LMTK2: variants seen among roughly 807,000 people sequenced by gnomAD.
LMTK2 encodes the protein serine/threonine-protein kinase LMTK2.
In LMTK2, 37 loss-of-function variants were observed where a neutral mutation model predicts 127.5. The observed-to-expected ratio is 0.29, with a 90% CI of 0.22 to 0.38. LMTK2 has a LOEUF of 0.38. Among genes scored for constraint, LMTK2 ranks in the 10% least tolerant of loss-of-function variants. LMTK2 has a pLI of 1.00. For synonymous variants in LMTK2, 819 were observed against 810.1 expected (o/e 1.01, Z -0.19); for missense variants, 1,694 against 1,920.3 (o/e 0.88, Z 2.20).
chr7:98,159,466 GT>G (rs753742867), intron 6 of LMTK2, 41 bp downstream of exon 6: 1 of 1,356,870 alleles, frequency 7.4e-7, no homozygotes, highest in South Asian at 1.2e-5. Context: ...TATTCCAGAG[GT>G]TGTATTCAAG....
Position 98,205,506 on chromosome 7 carries a change from C to G in LMTK2, c.*14C>G, listed in dbSNP as rs776522841. ...GAAAAGGACTAGGTGGCTGCCAACGCGCACGCTCGGGTCCGAGGCTGCTCC... is the reference window on the plus strand; with the variant it reads ...GAAAAGGACTAGGTGGCTGCCAACGGGCACGCTCGGGTCCGAGGCTGCTCC... On this transcript the variant is annotated 3_prime_UTR_variant, in exon 14 of 14. Coordinates refer to ENST00000297293, the MANE Select transcript of LMTK2 (RefSeq NM_014916.4). 1.2e-6 allele frequency: 2 copies of G among 1,612,200 alleles called. No individual in the cohort carries two copies.
Position 98,107,360 on chromosome 7 carries a change from G to C in LMTK2, c.103+80G>C, listed in dbSNP as rs570371755. Reference sequence around the variant, plus strand: ...GGGGCGGCAGGGCCGGGCCGGCCTCGGCGCCGAGGAATCGGAGGGCCTGCC... The same window carrying C: ...GGGGCGGCAGGGCCGGGCCGGCCTCCGCGCCGAGGAATCGGAGGGCCTGCC... On this transcript the variant is annotated intron_variant, in intron 1 of 13. Coordinates refer to ENST00000297293, the MANE Select transcript of LMTK2 (RefSeq NM_014916.4). 3.4e-5 allele frequency: 29 copies of C among 841,848 alleles called. No individual in the cohort carries two copies. The South Asian group carries it at 1.3e-3, about 39-fold the overall frequency. 52.1% of individuals were successfully genotyped at this position (841,848 alleles called of 1,614,324 possible).
rs574825961 is a variant in LMTK2, at chr7:98,193,478, G to A, written c.3013G>A (p.Val1005Ile). Residue 1005 changes from valine to isoleucine, a missense_variant, in exon 11 of 14, where the codon GTC becomes ATC. By Grantham distance (29) the Val-to-Ile change is conservative (BLOSUM62 3). Transcript: ENST00000297293. This position sits in a 1 kb window ranked among gnomAD's most constrained non-coding sequence, Gnocchi z 4.1. Reference sequence around the variant, plus strand: ...CCCGGACTCTCTGGAGTCAGTGGATGTCCACGAAGCGCTACTGGACTCTTT... The same window carrying A: ...CCCGGACTCTCTGGAGTCAGTGGATATCCACGAAGCGCTACTGGACTCTTT... ...ETPDSLESVD[V>I]HEALLDSLGS... 3.1e-6 allele frequency: 5 copies of A among 1,614,150 alleles called. No individual in the cohort carries two copies. Among genetic ancestry groups the A allele is most frequent in the East Asian group, 4.5e-5 (2 of 44,876 alleles).
At chr7:98,167,626 C>T (rs914402013) in intron 6 of LMTK2, among the ~76,000 whole-genome samples, 3 of 152,186 alleles carry the variant, frequency 2.0e-5, no homozygotes, top group African/African-American at 4.8e-5. Flanking sequence ...TGGAAAACGG[C>T]GATGCCACTT....
rs3735252 is a variant in LMTK2 at position 98,107,265 on chromosome 7, C to G, written c.88C>G (p.Pro30Ala). ...IAGSAGAAPL[P>A]QTGAGEAPPA... ...CGGCAGTGCTGGGGCCGCGCCACTT[C>G]CGCAAACAGGTGCAGGTGAGCGGGC... The change falls in exon 1 of 14, where the codon CCG (proline) becomes GCG (alanine). Residue 30 changes from proline to alanine, a missense_variant. Pro to Ala is a conservative substitution (Grantham distance 27). This residue lies in a region of LMTK2 where 76 missense variants were observed against 82.0 expected (regional missense o/e 0.93). Coordinates refer to ENST00000297293, the MANE Select transcript of LMTK2 (RefSeq NM_014916.4). 0.061 allele frequency: 86,827 copies of G among 1,423,028 alleles called. 3,549 individuals carry two copies. The highest frequency in any genetic ancestry group is 0.16 in the South Asian group (11,167 of 69,850). The allele number at this position is 1,423,028 out of a possible 1,614,324, so 88.2% of individuals were successfully genotyped here. A position where few individuals can be genotyped will look rare whatever the true frequency, so the allele number is the denominator to read the frequency against.
intron 7 of LMTK2, among the ~76,000 whole-genome samples, chr7:98,174,462 G>A (rs1425566146): frequency 1.3e-5 from 2 of 152,318 alleles, no homozygotes; most frequent in Non-Finnish European, 2.9e-5. Context: ...AACAGCAGGC[G>A]CTGCCAGCTT....
At chr7:98,197,027 T>TGTA (rs1797632268) in intron 11 of LMTK2, among the ~76,000 whole-genome samples, 1 of 152,246 alleles carries the variant, frequency 6.6e-6, no homozygotes, top group African/African-American at 2.4e-5. Context: ...TTTGAAGTTG[T>TGTA]GTAGTTTTTA....
rs141499526 is a variant in LMTK2 at position 98,153,543 on chromosome 7, G to A, written c.451-1215G>A. Among the ~76,000 whole-genome samples the A allele has an allele frequency of 4.0e-3, 611 of 152,316 alleles. 5 individuals are homozygous for A. The highest frequency in any genetic ancestry group is 4.3e-3 in the Non-Finnish European group (295 of 68,034). The stretch of plus-strand genomic sequence containing the variant: ...ATTCAAGAGAGAAAGAGGAGACGGT[G>A]CATTTAGACAACCCTCTTGAAGAGT... On this transcript the variant is annotated intron_variant, in intron 4 of 13. Transcript: ENST00000297293.
At chr7:98,181,277 C>T (rs1161344599) in intron 7 of LMTK2, among the ~76,000 whole-genome samples, 7 of 152,096 alleles carry the variant, frequency 4.6e-5, no homozygotes, top group South Asian at 2.1e-4. Context: ...ATTTGTGGAC[C>T]GGTAAAGTTC....
At chr7:98,145,423 ATTCT>A (rs1349167212) in intron 3 of LMTK2, among the ~76,000 whole-genome samples, 1 of 152,114 alleles carries the variant, frequency 6.6e-6, no homozygotes, top group African/African-American at 2.4e-5. Context: ...GTCTTAAGAA[ATTCT>A]TTCTTATTCT....
chr7:98,182,636 A>T (rs1448330172), intron 7 of LMTK2, among the ~76,000 whole-genome samples: 1 of 152,184 alleles, frequency 6.6e-6, no homozygotes, highest in Non-Finnish European at 1.5e-5. Context: ...TGTTGGTGGG[A>T]AGGTAAAATG....
Position 98,154,976 on chromosome 7 carries a change from A to C in LMTK2, c.569+100A>C, listed in dbSNP as rs1284784237. 9.9e-6 allele frequency: 7 copies of C among 705,680 alleles called. No homozygotes were observed. The East Asian group carries it at 1.8e-4, about 18-fold the overall frequency. 43.7% of individuals were successfully genotyped at this position (705,680 alleles called of 1,614,324 possible). A position where few individuals can be genotyped will look rare whatever the true frequency, so the allele number is the denominator to read the frequency against. ...GGGATTTCTGCCTGTAACATACATG[A>C]TTAAGTAAGTTCCAAGGTCTCATAA... On this transcript the variant is annotated intron_variant, in intron 5 of 13. Transcript: ENST00000297293.
intron 1 of LMTK2, among the ~76,000 whole-genome samples, chr7:98,134,366 T>G (rs1227798254): frequency 2.6e-5 from 4 of 152,226 alleles, no homozygotes; most frequent in Non-Finnish European, 5.9e-5. Context: ...GTGGACAAAC[T>G]GTGTGTTATT....
intron 3 of LMTK2, among the ~76,000 whole-genome samples, chr7:98,148,596 T>C (rs1796806536): frequency 6.6e-6 from 1 of 152,216 alleles, no homozygotes; most frequent in African/African-American, 2.4e-5. Context: ...AGTTTCCGTT[T>C]GTTCATTTTT....
At chr7:98,165,721 T>C (rs1797086479) in intron 6 of LMTK2, among the ~76,000 whole-genome samples, 1 of 152,114 alleles carries the variant, frequency 6.6e-6, no homozygotes, top group Non-Finnish European at 1.5e-5. Flanking sequence ...AATGTAGTTA[T>C]TAATAAGCCC....
Position 98,181,900 on chromosome 7 carries a change from G to A in LMTK2, c.792-3151G>A, listed in dbSNP as rs779457023. Among the ~76,000 whole-genome samples the A allele has an allele frequency of 2.0e-4, 31 of 152,246 alleles. 1 individual carries two copies. Among genetic ancestry groups the A allele is most frequent in the Non-Finnish European group, 3.8e-4 (26 of 68,020 alleles). Reference sequence around the variant, plus strand: ...TCTCCATCTCTTGACCTTGTGATCTGCCTGCCTTGGCCTCCCAAAGTGCTG... The same window carrying A: ...TCTCCATCTCTTGACCTTGTGATCTACCTGCCTTGGCCTCCCAAAGTGCTG... On this transcript the variant is annotated intron_variant, in intron 7 of 13. Transcript: ENST00000297293.
intron 2 of LMTK2, among the ~76,000 whole-genome samples, chr7:98,138,294 T>C (rs2116361150): frequency 6.6e-6 from 1 of 152,122 alleles, no homozygotes; most frequent in East Asian, 1.9e-4. Context: ...AAAAAAAAGG[T>C]CGTCTTCTGG....
intron 6 of LMTK2, among the ~76,000 whole-genome samples, chr7:98,161,727 A>G (rs1457131573): frequency 6.6e-6 from 1 of 152,150 alleles, no homozygotes; most frequent in African/African-American, 2.4e-5. Context: ...TGACCCATGG[A>G]AGGTGATTTT....
chr7:98,173,333 G>C (rs1797223045), intron 7 of LMTK2, among the ~76,000 whole-genome samples: 1 of 150,612 alleles, frequency 6.6e-6, no homozygotes, highest in African/African-American at 2.4e-5. Flanking sequence ...GACTCAAAAA[G>C]TTACCAGTTT....
Sources: allele counts gnomAD v4.1 joint callset (sites outside exome capture counted in the v4.1 genomes callset), GRCh38; gene constraint gnomAD v4.1.1; regional missense constraint gnomAD v4.1.1; non-coding constraint Gnocchi (gnomAD v3.1); transcripts MANE v1.5; gene names NCBI Gene and HGNC (gene_info 2026-07-23, HGNC 2026-07-21).